The following MAML2 variants were observed in gnomAD, a reference collection of about 807,000 sequenced individuals.
MAML2 encodes the protein mastermind-like protein 2.
A neutral mutation model predicts 96.1 loss-of-function variants in MAML2; 22 were observed. That is an observed-to-expected ratio of 0.23 (90% CI 0.16 to 0.33). MAML2 has a LOEUF of 0.33. MAML2 is among the 10% of genes least tolerant of loss of function. MAML2 has a pLI of 1.00. For synonymous variants in MAML2, 561 were observed against 521.3 expected, an observed-to-expected ratio of 1.08 and a Z score of -1.04; for missense variants, 1,367 against 1,392.4, an observed-to-expected ratio of 0.98 and a Z score of 0.29.
intron 1 of MAML2, among the ~76,000 whole-genome samples, chr11:96,155,246 A>G (rs1860991457): frequency 6.6e-6 from 1 of 152,016 alleles, no homozygotes; most frequent in Non-Finnish European, 1.5e-5. Flanking sequence ...CCAAACTTCA[A>G]GAAAGGATAG....
At chr11:96,107,560 G>A (rs1330340097) in intron 1 of MAML2, among the ~76,000 whole-genome samples, 1 of 152,200 alleles carries the variant, frequency 6.6e-6, no homozygotes, top group Non-Finnish European at 1.5e-5. Flanking sequence ...AACATGATAA[G>A]TGTTTCTTTG....
intron 1 of MAML2, among the ~76,000 whole-genome samples, chr11:96,171,464 G>A (rs61901888): frequency 0.046 from 6,959 of 152,094 alleles, 231 homozygotes; most frequent in Non-Finnish European, 0.068. Flanking sequence ...TCCAATGAGG[G>A]CATCTCTATT....
chr11:96,230,875 A>G (rs73529239), intron 1 of MAML2, among the ~76,000 whole-genome samples: 1 of 152,176 alleles, frequency 6.6e-6, no homozygotes, highest in Non-Finnish European at 1.5e-5. Flanking sequence ...AGATCATCAC[A>G]CTCACTTCTG....
At position 96,183,897 on chromosome 11, in the gene MAML2, T is replaced by C. The variant is rs1161913389; in HGVS notation, c.514-90380A>G. Reference sequence around the variant, plus strand: ...AACTTTTTACTAATATATTATCTAATTGAAATGAGCATACCCAGTACATTT... The same window carrying C: ...AACTTTTTACTAATATATTATCTAACTGAAATGAGCATACCCAGTACATTT... On this transcript the variant is annotated intron_variant, in intron 1 of 4. Coordinates refer to ENST00000524717, the MANE Select transcript of MAML2 (RefSeq NM_032427.4). Among the ~76,000 whole-genome samples, 3 of 152,190 alleles carry C rather than the reference T, an allele frequency of 2.0e-5. No homozygotes were observed. The East Asian group carries it at 5.8e-4, about 29-fold the overall frequency.
intron 1 of MAML2, among the ~76,000 whole-genome samples, chr11:96,124,433 G>A (rs1173561720): frequency 6.6e-6 from 1 of 152,176 alleles, no homozygotes; most frequent in Non-Finnish European, 1.5e-5. Flanking sequence ...AAGAAGAATA[G>A]AAAGATAGTC....
chr11:96,275,823 C>A (rs946261230), intron 1 of MAML2, among the ~76,000 whole-genome samples: 28 of 152,086 alleles, frequency 1.8e-4, no homozygotes, highest in African/African-American at 6.3e-4. Context: ...TTTTAACTTA[C>A]CTACCTAATT....
intron 1 of MAML2, among the ~76,000 whole-genome samples, chr11:96,174,818 C>T (rs1861357418): frequency 6.6e-6 from 1 of 152,232 alleles, no homozygotes; most frequent in Non-Finnish European, 1.5e-5. Context: ...GCAATAAATG[C>T]CTCTTGTGGC....
chr11:96,052,200 T>A (rs148782804), intron 2 of MAML2, among the ~76,000 whole-genome samples: 1 of 152,292 alleles, frequency 6.6e-6, no homozygotes, highest in East Asian at 1.9e-4. Flanking sequence ...TGTTAAGTGC[T>A]TGTTGGGTGA....
At position 95,991,536 on chromosome 11, in the gene MAML2, T is replaced by G. The variant is rs752694559; in HGVS notation, c.2327A>C (p.Gln776Pro). 2.1e-5 allele frequency: 34 copies of G among 1,613,458 alleles called. No homozygotes were observed. The East Asian group carries it at 7.6e-4, about 36-fold the overall frequency. The change falls in exon 3 of 5, where the codon CAG becomes CCG. Residue 776 changes from glutamine to proline, a missense_variant. Transcript: ENST00000524717. ...EQKQQLLLQQ[Q>P]MLADAEKIAP... Reference sequence around the variant, plus strand: ...AAGTTTTACCGCGTCAGCCAGCATCTGCTGCTGGAGAAGAAGTTGCTGTTT... The same window carrying G: ...AAGTTTTACCGCGTCAGCCAGCATCGGCTGCTGGAGAAGAAGTTGCTGTTT...
intron 1 of MAML2, among the ~76,000 whole-genome samples, chr11:96,322,432 C>T (rs993468492): frequency 3.3e-5 from 5 of 152,218 alleles, no homozygotes; most frequent in Admixed American, 2.6e-4. Context: ...GGCACAGTGG[C>T]TCATTCCTAT....
Position 95,977,438 on chromosome 11 carries a change from T to C in MAML2, c.*1510A>G, listed in dbSNP as rs1435311521. On this transcript the variant is annotated 3_prime_UTR_variant, in exon 5 of 5. Transcript: ENST00000524717. ...AGCTTTGCAGAATTTTCAAAGTGTG[T>C]TCTTTTTCTTTGAACAGATATTGAA... The C allele has an allele frequency of 5.2e-6, 1 of 190,728 alleles. No individual in the cohort carries two copies. Among genetic ancestry groups the C allele is most frequent in the Non-Finnish European group, 1.1e-5 (1 of 90,990 alleles). 11.8% of individuals were successfully genotyped at this position (190,728 alleles called of 1,614,324 possible). A position where few individuals can be genotyped will look rare whatever the true frequency, so the allele number is the denominator to read the frequency against.
intron 2 of MAML2, among the ~76,000 whole-genome samples, chr11:96,012,031 A>T (rs1472200873): frequency 6.6e-6 from 1 of 152,240 alleles, no homozygotes; most frequent in East Asian, 1.9e-4. Flanking sequence ...TACGTCTTTT[A>T]GAATCAAACT....
At position 96,153,911 on chromosome 11, in the gene MAML2, C is replaced by A. The variant is rs551800139; in HGVS notation, c.514-60394G>T. Among the ~76,000 whole-genome samples the A allele has an allele frequency of 6.1e-3, 840 of 138,036 alleles. 2 individuals are homozygous for A. Among genetic ancestry groups the A allele is most frequent in the Non-Finnish European group, 0.011 (666 of 61,990 alleles). 90.6% of individuals were successfully genotyped at this position (138,036 alleles called of 152,430 possible). A position where few individuals can be genotyped will look rare whatever the true frequency, so the allele number is the denominator to read the frequency against. On this transcript the variant is annotated intron_variant, in intron 1 of 4. Coordinates refer to ENST00000524717, the MANE Select transcript of MAML2 (RefSeq NM_032427.4). Reference sequence around the variant, plus strand: ...TGGACAACAGAGCAAGACTCCGTCTCAATAAATAAATAAATAAATAAATAA... The same window carrying A: ...TGGACAACAGAGCAAGACTCCGTCTAAATAAATAAATAAATAAATAAATAA...
rs541529503 is a variant in MAML2 at position 96,175,210 on chromosome 11, A to G, written c.514-81693T>C. Among the ~76,000 whole-genome samples the G allele has an allele frequency of 6.6e-5, 10 of 152,348 alleles. No individual in the cohort carries two copies. In the East Asian group the frequency reaches 1.9e-3, roughly 29 times the overall value. ...CTTATTTTGTGACCCAGAAAATTTT[A>G]CCATCCTTGCAAGAATAAAGGAGTG... On this transcript the variant is annotated intron_variant, in intron 1 of 4. Transcript: ENST00000524717.
intron 1 of MAML2, among the ~76,000 whole-genome samples, chr11:96,300,904 G>A (rs559468240): frequency 1.4e-3 from 210 of 152,286 alleles, no homozygotes; most frequent in African/African-American, 4.8e-3. Flanking sequence ...CGGAATCTTG[G>A]TCACATTATC....
At chr11:96,040,746 G>A (rs1008204177) in intron 2 of MAML2, among the ~76,000 whole-genome samples, 3 of 152,164 alleles carry the variant, frequency 2.0e-5, no homozygotes, top group Admixed American at 1.3e-4. Flanking sequence ...CCTTCTGGGC[G>A]ACAGAGTGAG....
At chr11:96,086,392 T>A (rs373317472) in intron 2 of MAML2, among the ~76,000 whole-genome samples, 1 of 152,170 alleles carries the variant, frequency 6.6e-6, no homozygotes, top group African/African-American at 2.4e-5. Flanking sequence ...TTTTCTTTAT[T>A]ATGTAAAATA....
chr11:96,268,799 G>A (rs1232153289), intron 1 of MAML2, among the ~76,000 whole-genome samples: 3 of 108,962 alleles, frequency 2.8e-5, no homozygotes, highest in Non-Finnish European at 5.5e-5. Flanking sequence ...CATGTAAGAT[G>A]TGACTTTGCT....
chr11:96,002,095 C>T (rs994124610), intron 2 of MAML2, among the ~76,000 whole-genome samples: 4 of 152,148 alleles, frequency 2.6e-5, no homozygotes, highest in African/African-American at 7.2e-5. Flanking sequence ...TTTTGTGAGA[C>T]CCAGTACTGG....
Sources: allele counts gnomAD v4.1 joint callset (sites outside exome capture counted in the v4.1 genomes callset), GRCh38; gene constraint gnomAD v4.1.1; transcripts MANE v1.5; gene names NCBI Gene and HGNC (gene_info 2026-07-23, HGNC 2026-07-21).